Variants in MALRD1 observed in about 807,000 individuals in gnomAD.
MALRD1 encodes MAM and LDL-receptor class A domain-containing protein 1.
A neutral mutation model predicts 242.1 loss-of-function variants in MALRD1; 247 were observed. The observed-to-expected ratio is 1.02, with a 90% confidence interval of 0.92 to 1.13. MALRD1 has a LOEUF of 1.13. Ranked by LOEUF, MALRD1 falls within the 50% of genes most tolerant of loss-of-function variation. MALRD1 has a pLI of 0.00. For synonymous variants in MALRD1, 995 were observed against 866.6 expected (o/e 1.15, Z -2.60); for missense variants, 2,989 against 2,533.1 (o/e 1.18, Z -3.86).
At chr10:19,182,769 G>A (rs1835566480) in intron 14 of MALRD1, among the ~76,000 whole-genome samples, 2 of 152,134 alleles carry the variant, frequency 1.3e-5, no homozygotes, top group Non-Finnish European at 2.9e-5. Flanking sequence ...TGAAGCCAAT[G>A]ATCAAAACTT....
At chr10:19,258,256 T>G (rs1839604377) in intron 19 of MALRD1, among the ~76,000 whole-genome samples, 1 of 152,094 alleles carries the variant, frequency 6.6e-6, no homozygotes, top group Non-Finnish European at 1.5e-5. Context: ...TTTCAAACTT[T>G]CCCCTAACTC....
chr10:19,294,426 A>G (rs2131934073), intron 21 of MALRD1, among the ~76,000 whole-genome samples: 1 of 152,354 alleles, frequency 6.6e-6, no homozygotes, highest in Non-Finnish European at 1.5e-5. Context: ...TGATTTATGC[A>G]GATATATCAA....
At chr10:19,427,260 C>G (rs10827388) in intron 28 of MALRD1, among the ~76,000 whole-genome samples, 43,855 of 152,070 alleles carry the variant, frequency 0.29, 8,302 homozygotes, top group African/African-American at 0.54. Context: ...TCTCAGTCCT[C>G]TTGCCCAAGG....
chr10:19,112,589 A>G (rs978234515), intron 5 of MALRD1, among the ~76,000 whole-genome samples: 1 of 152,178 alleles, frequency 6.6e-6, no homozygotes, highest in Non-Finnish European at 1.5e-5. Flanking sequence ...TGGCTATAAG[A>G]TGACCGTTAA....
chr10:19,680,262 T>C (rs1463800311), intron 36 of MALRD1, among the ~76,000 whole-genome samples: 2 of 152,184 alleles, frequency 1.3e-5, no homozygotes, highest in Non-Finnish European at 2.9e-5. Context: ...ACTATTATTG[T>C]GTGGAAGTAA....
At chr10:19,206,998 A>G (rs979244353) in intron 17 of MALRD1, among the ~76,000 whole-genome samples, 2 of 152,146 alleles carry the variant, frequency 1.3e-5, no homozygotes, top group African/African-American at 4.8e-5. Context: ...CTCCCACTTG[A>G]CATTTACTCA....
chr10:19,387,650 A>G lies in MALRD1; in HGVS notation c.4564A>G (p.Thr1522Ala). 1.3e-6 allele frequency: 2 copies of G among 1,550,418 alleles called. No individual in the cohort carries two copies. The highest frequency in any genetic ancestry group is 1.7e-6 in the Non-Finnish European group (2 of 1,146,900). The change falls in exon 27 of 40, where the codon ACT becomes GCT. Residue 1522 changes from threonine to alanine, a missense_variant. By Grantham distance (58) the Thr-to-Ala change is moderately conservative. Coordinates refer to ENST00000454679, the MANE Select transcript of MALRD1 (RefSeq NM_001142308.3). ...TDENECGSSCTFEKGWCGWQN... is the reference protein window; with the variant it reads ...TDENECGSSCAFEKGWCGWQN... ...TGAAAATGAGTGTGGTAGCTCCTGT[A>G]CTTTTGAAAAAGGCTGGTGTGGCTG...
Position 19,167,542 on chromosome 10 carries a change from G to A in MALRD1, c.1830+1732G>A, listed in dbSNP as rs535242379. Among the ~76,000 whole-genome samples, 8 of 152,172 alleles carry A rather than the reference G, an allele frequency of 5.3e-5. 1 individual carries two copies. In the South Asian group the frequency reaches 1.7e-3, roughly 32 times the overall value. On this transcript the variant is annotated intron_variant, in intron 13 of 39. Coordinates refer to ENST00000454679, the MANE Select transcript of MALRD1 (RefSeq NM_001142308.3). ...GAGAATACATATTTTGGAGCAGATG[G>A]CTTTAGGATGTAGAGTCACTTATTT...
At chr10:19,721,877 G>A (rs963211588) in intron 38 of MALRD1, 4 of 152,262 alleles carry the variant, frequency 2.6e-5, no homozygotes, top group Admixed American at 1.3e-4. Context: ...AGAGGGCAGA[G>A]TTTACTCCTG....
chr10:19,272,863 A>T (rs550470286), intron 19 of MALRD1, among the ~76,000 whole-genome samples: 11 of 152,262 alleles, frequency 7.2e-5, no homozygotes, highest in African/African-American at 2.6e-4. Context: ...ACATGAACTC[A>T]TTCTTTTTTA....
At chr10:19,238,130 T>C (rs762375712) in intron 18 of MALRD1, among the ~76,000 whole-genome samples, 1 of 16,878 alleles carries the variant, frequency 5.9e-5, no homozygotes, top group African/African-American at 2.2e-4. Context: ...ATATATATTA[T>C]GTATATAATA....
At chr10:19,100,397 A>G (rs1836208695) in intron 4 of MALRD1, among the ~76,000 whole-genome samples, 1 of 150,386 alleles carries the variant, frequency 6.6e-6, no homozygotes, top group African/African-American at 2.5e-5. Flanking sequence ...GGCAAACTCT[A>G]ATAAGGAGAG....
At chr10:19,509,309 G>T (rs1288254616) in intron 31 of MALRD1, among the ~76,000 whole-genome samples, 1 of 152,142 alleles carries the variant, frequency 6.6e-6, no homozygotes, top group Non-Finnish European at 1.5e-5. Context: ...TTATCTGATT[G>T]ACTATAGCTA....
At chr10:19,485,250 T>TAAAATAGTTGCAGTAAA (rs1256020267) in intron 29 of MALRD1, among the ~76,000 whole-genome samples, 1 of 152,194 alleles carries the variant, frequency 6.6e-6, no homozygotes, top group Non-Finnish European at 1.5e-5. Flanking sequence ...CTATTTGTAT[T>TAAAATAGTTGCAGTAAA]ATAGTTGCAG....
At chr10:19,193,838 A>AT (rs1564457151) in intron 14 of MALRD1, among the ~76,000 whole-genome samples, 1 of 133,764 alleles carries the variant, frequency 7.5e-6, no homozygotes, top group Non-Finnish European at 1.6e-5. Flanking sequence ...CTGGGGGAAA[A>AT]AAAATATATA....
At chr10:19,466,932 G>A (rs1836242670) in intron 29 of MALRD1, among the ~76,000 whole-genome samples, 1 of 152,030 alleles carries the variant, frequency 6.6e-6, no homozygotes, top group Admixed American at 6.6e-5. Context: ...GACTTTTGAA[G>A]CATTACCAAT....
At chr10:19,046,930 G>C (rs1273468843), upstream of MALRD1, among the ~76,000 whole-genome samples, 1 of 152,220 alleles carries the variant, frequency 6.6e-6, no homozygotes, top group African/African-American at 2.4e-5. Context: ...TGCCAGCACA[G>C]TCACTCAGTA....
Position 19,257,724 on chromosome 10 carries a change from A to T in MALRD1, c.3032A>T (p.Asp1011Val), listed in dbSNP as rs1260803883. 1 of 1,541,934 alleles carries T rather than the reference A, an allele frequency of 6.5e-7. No homozygotes were observed. The highest frequency in any genetic ancestry group is 1.2e-5 in the South Asian group (1 of 82,444). The change falls in exon 19 of 40, where the codon GAT (aspartate) becomes GTT (valine). Residue 1011 changes from aspartate to valine, a missense_variant. Asp to Val is a radical substitution (Grantham distance 152). Coordinates refer to ENST00000454679, the MANE Select transcript of MALRD1 (RefSeq NM_001142308.3). The part of the protein sequence containing the change: ...EASVGDGFTG[D>V]IAIDDLSFMD... Reference sequence around the variant, plus strand: ...TCAGTGGGAGATGGCTTCACTGGAGATATTGCGATTGATGATCTGTCATTT... The same window carrying T: ...TCAGTGGGAGATGGCTTCACTGGAGTTATTGCGATTGATGATCTGTCATTT...
chr10:19,512,302 T>G (rs1833439723), intron 31 of MALRD1, among the ~76,000 whole-genome samples: 1 of 152,202 alleles, frequency 6.6e-6, no homozygotes, highest in Non-Finnish European at 1.5e-5. Context: ...CAGGCAGCTC[T>G]ATTGTTATGG....
Sources: gnomAD v4.1 joint callset for allele counts (sites outside exome capture counted in the v4.1 genomes callset) on GRCh38, gnomAD v4.1.1 for gene constraint, MANE v1.5 for transcripts, NCBI Gene and HGNC (gene_info 2026-07-23, HGNC 2026-07-21) for gene names.